MARCHF4: variants seen among roughly 807,000 people sequenced by gnomAD.
MARCHF4 encodes E3 ubiquitin-protein ligase MARCHF4.
A neutral mutation model predicts 43.9 loss-of-function variants in MARCHF4; 14 were observed. That is an observed-to-expected ratio of 0.32 (90% CI 0.21 to 0.50). The LOEUF (loss-of-function observed/expected upper bound fraction) is 0.50, where lower values mean the gene tolerates loss of function less well. Among genes scored for constraint, MARCHF4 ranks in the 20% least tolerant of loss-of-function variants. The probability of loss-of-function intolerance (pLI) is 0.98; values close to 1 mark genes in which losing one functional copy is unlikely to be tolerated. For missense variants in MARCHF4, 468 were observed against 536.7 expected (o/e 0.87, Z 1.27); for synonymous variants, 226 against 213.3 (o/e 1.06, Z -0.52).
intron 1 of MARCHF4, among the ~76,000 whole-genome samples, chr2:216,286,947 T>C (rs1483363802): frequency 6.6e-6 from 1 of 152,208 alleles, no homozygotes; most frequent in Non-Finnish European, 1.5e-5. Flanking sequence ...AGTAAAATTC[T>C]CTCAATATAA....
chr2:216,291,509 A>C (rs1691307016), intron 1 of MARCHF4, among the ~76,000 whole-genome samples: 1 of 152,170 alleles, frequency 6.6e-6, no homozygotes, highest in African/African-American at 2.4e-5. Flanking sequence ...TTTCTATTAA[A>C]ATAAAATGGC....
At chr2:216,351,668 G>A (rs766481256) in intron 1 of MARCHF4, among the ~76,000 whole-genome samples, 61 of 152,300 alleles carry the variant, frequency 4.0e-4, no homozygotes, top group Admixed American at 2.5e-3. Flanking sequence ...GGCCTTGTCC[G>A]TTTTGTTTAT....
rs114116822 is a variant in MARCHF4, at chr2:216,362,164, T to C, written c.516+7581A>G. ...GCCAAATGGTCTCAAGCCAAGATAA[T>C]GATCACTATGATTACCAGGACAAGA... On this transcript the variant is annotated intron_variant, in intron 1 of 3. Transcript: ENST00000273067. Among the ~76,000 whole-genome samples, 840 of 152,304 alleles carry C rather than the reference T, an allele frequency of 5.5e-3. 8 individuals carry two copies. Among genetic ancestry groups the C allele is most frequent in the African/African-American group, 0.019 (790 of 41,564 alleles).
At chr2:216,315,339 T>C (rs1475281108) in intron 1 of MARCHF4, among the ~76,000 whole-genome samples, 3 of 152,210 alleles carry the variant, frequency 2.0e-5, no homozygotes, top group African/African-American at 7.2e-5. Context: ...GGAATGTGCA[T>C]TGGTATAACC....
intron 1 of MARCHF4, among the ~76,000 whole-genome samples, chr2:216,336,371 G>A (rs1029815233): frequency 6.6e-6 from 1 of 152,132 alleles, no homozygotes; most frequent in Non-Finnish European, 1.5e-5. Context: ...AACAAACTGA[G>A]TAATCCGTAA....
chr2:216,350,046 C>G (rs1446348148), intron 1 of MARCHF4, among the ~76,000 whole-genome samples: 1 of 152,092 alleles, frequency 6.6e-6, no homozygotes, highest in Non-Finnish European at 1.5e-5. Flanking sequence ...TCACCTGCCA[C>G]ACCACCTTGC....
intron 1 of MARCHF4, among the ~76,000 whole-genome samples, chr2:216,366,657 A>C (rs553413627): frequency 6.6e-6 from 1 of 152,310 alleles, no homozygotes; most frequent in South Asian, 2.1e-4. Context: ...GTGTCAGCTC[A>C]GATGACACAT....
At chr2:216,344,891 G>A (rs1208215766) in intron 1 of MARCHF4, among the ~76,000 whole-genome samples, 1 of 151,910 alleles carries the variant, frequency 6.6e-6, no homozygotes, top group African/African-American at 2.4e-5. Context: ...CTCTGGGAAG[G>A]AGGCCGGGTG....
At chr2:216,332,366 T>A (rs1692092275) in intron 1 of MARCHF4, among the ~76,000 whole-genome samples, 1 of 146,042 alleles carries the variant, frequency 6.8e-6, no homozygotes. Flanking sequence ...CACTCCAGCC[T>A]GAGTGACAGA....
intron 3 of MARCHF4, among the ~76,000 whole-genome samples, chr2:216,267,871 G>T (rs1690870319): frequency 6.6e-6 from 1 of 152,082 alleles, no homozygotes; most frequent in East Asian, 1.9e-4. Flanking sequence ...TGCCTCTCGA[G>T]GGGTCTCTTT....
intron 1 of MARCHF4, among the ~76,000 whole-genome samples, chr2:216,348,601 A>G (rs765855305): frequency 6.6e-6 from 1 of 152,162 alleles, no homozygotes; most frequent in Non-Finnish European, 1.5e-5. Flanking sequence ...CCTGTTTAGT[A>G]TATCATCAAG....
At chr2:216,278,160 A>G (rs534545578) in intron 2 of MARCHF4, among the ~76,000 whole-genome samples, 3 of 152,176 alleles carry the variant, frequency 2.0e-5, no homozygotes, top group Non-Finnish European at 2.9e-5. Flanking sequence ...AGAGAAATGG[A>G]GGGAACAATG....
At chr2:216,282,047 G>A (rs969278227) in intron 2 of MARCHF4, among the ~76,000 whole-genome samples, 1 of 152,186 alleles carries the variant, frequency 6.6e-6, no homozygotes, top group African/African-American at 2.4e-5. Flanking sequence ...TGAAAAGGAA[G>A]GGGAGGGTTA....
chr2:216,291,113 G>A (rs1472131908), intron 1 of MARCHF4, among the ~76,000 whole-genome samples: 1 of 152,172 alleles, frequency 6.6e-6, no homozygotes, highest in Admixed American at 6.5e-5. Context: ...GGGTGCCAGA[G>A]GTGATCGCTA....
intron 3 of MARCHF4, among the ~76,000 whole-genome samples, chr2:216,272,308 T>G (rs1283846029): frequency 1.3e-5 from 2 of 152,126 alleles, no homozygotes; most frequent in African/African-American, 4.8e-5. Flanking sequence ...CTCTCTCAAT[T>G]GATGTCAAAA....
intron 1 of MARCHF4, among the ~76,000 whole-genome samples, chr2:216,308,212 G>A (rs1691621271): frequency 6.6e-6 from 1 of 152,098 alleles, no homozygotes. Flanking sequence ...GAGCATCCTG[G>A]GTAACATGGT....
intron 1 of MARCHF4, among the ~76,000 whole-genome samples, chr2:216,310,460 T>A (rs1295921556): frequency 6.6e-6 from 1 of 152,078 alleles, no homozygotes; most frequent in Non-Finnish European, 1.5e-5. Context: ...GACATTCTCC[T>A]TATGTTGCCT....
intron 1 of MARCHF4, among the ~76,000 whole-genome samples, chr2:216,363,301 C>CACAA (rs1692615720): frequency 6.6e-6 from 1 of 152,148 alleles, no homozygotes; most frequent in Non-Finnish European, 1.5e-5. Flanking sequence ...TAGAGAACCT[C>CACAA]ACAAACAATT....
intron 1 of MARCHF4, among the ~76,000 whole-genome samples, chr2:216,284,722 A>T (rs991332195): frequency 6.6e-6 from 1 of 152,108 alleles, no homozygotes; most frequent in Non-Finnish European, 1.5e-5. Context: ...GTAATCATGC[A>T]CTTGGCTGCA....
Sources: gnomAD v4.1 joint callset for allele counts (sites outside exome capture counted in the v4.1 genomes callset) on GRCh38, gnomAD v4.1.1 for gene constraint, MANE v1.5 for transcripts, NCBI Gene and HGNC (gene_info 2026-07-23, HGNC 2026-07-21) for gene names.